The following DNAJC1 variants were observed in gnomAD, a reference collection of about 807,000 sequenced individuals.
DNAJC1 encodes the protein DnaJ heat shock protein family (Hsp40) member C1.
Under a neutral mutation model 76.6 loss-of-function variants are expected in DNAJC1, and 58 were observed. That is an observed-to-expected ratio of 0.76 (90% CI 0.61 to 0.94). DNAJC1 has a LOEUF of 0.94. Among genes scored for constraint, DNAJC1 ranks in the 40% least tolerant of loss-of-function variants. The pLI is 0.00. For missense variants in DNAJC1, 689 were observed against 677.3 expected (o/e 1.02, Z -0.19); for synonymous variants, 258 against 267.9 (o/e 0.96, Z 0.36).
chr10:21,818,772 A>C (rs1034763693), intron 8 of DNAJC1, among the ~76,000 whole-genome samples: 4 of 152,238 alleles, frequency 2.6e-5, no homozygotes, highest in Non-Finnish European at 5.9e-5. Flanking sequence ...TACTATTCAA[A>C]AAGATTCAAA....
intron 8 of DNAJC1, among the ~76,000 whole-genome samples, chr10:21,851,300 C>A (rs2131688377): frequency 6.6e-6 from 1 of 151,896 alleles, no homozygotes; most frequent in East Asian, 1.9e-4. Flanking sequence ...AAAAGACAAC[C>A]CAATTCAAAA....
intron 8 of DNAJC1, among the ~76,000 whole-genome samples, chr10:21,831,529 G>C (rs1313853092): frequency 6.6e-6 from 1 of 152,084 alleles, no homozygotes; most frequent in Non-Finnish European, 1.5e-5. Flanking sequence ...AGTGGCTTGC[G>C]CCTGTAATCC....
At chr10:21,990,329 T>C (rs952864072) in intron 1 of DNAJC1, among the ~76,000 whole-genome samples, 9 of 152,116 alleles carry the variant, frequency 5.9e-5, no homozygotes, top group African/African-American at 2.2e-4. Context: ...GGTACATATC[T>C]AAAGACAATG....
At chr10:21,939,510 T>C (rs2131794193) in intron 1 of DNAJC1, among the ~76,000 whole-genome samples, 1 of 152,320 alleles carries the variant, frequency 6.6e-6, no homozygotes, top group South Asian at 2.1e-4. Context: ...AGTACCATTT[T>C]AAATCTTTTT....
chr10:21,839,223 T>C (rs562988714), intron 8 of DNAJC1, among the ~76,000 whole-genome samples: 1 of 152,216 alleles, frequency 6.6e-6, no homozygotes, highest in Admixed American at 6.5e-5. Context: ...ATTCAAAAGC[T>C]AACAGAAGGC....
intron 8 of DNAJC1, among the ~76,000 whole-genome samples, chr10:21,836,453 A>G (rs1436072967): frequency 2.0e-5 from 3 of 152,216 alleles, no homozygotes; most frequent in African/African-American, 7.2e-5. Context: ...CATCATAATG[A>G]CAGGATCTAA....
chr10:21,885,461 AC>A (rs756400429), intron 7 of DNAJC1, among the ~76,000 whole-genome samples: 8 of 152,148 alleles, frequency 5.3e-5, no homozygotes, highest in Non-Finnish European at 1.2e-4. Flanking sequence ...GATATTCAGG[AC>A]CCAAACTAAA....
At chr10:21,945,934 TAAA>T (rs1837497099) in intron 1 of DNAJC1, among the ~76,000 whole-genome samples, 2 of 151,544 alleles carry the variant, frequency 1.3e-5, no homozygotes, top group African/African-American at 2.4e-5. Context: ...TGTTTCTTCA[TAAA>T]TTCCAACTTT....
At chr10:21,857,925 G>C (rs1835864342) in intron 8 of DNAJC1, among the ~76,000 whole-genome samples, 1 of 151,630 alleles carries the variant, frequency 6.6e-6, no homozygotes, top group African/African-American at 2.4e-5. Context: ...AACAACTTTG[G>C]GTAAACTGGG....
At chr10:21,952,986 C>T (rs1218551722) in intron 1 of DNAJC1, among the ~76,000 whole-genome samples, 1 of 152,088 alleles carries the variant, frequency 6.6e-6, no homozygotes, top group Non-Finnish European at 1.5e-5. Context: ...ACACTAAAAT[C>T]AACAGTGCAC....
Position 21,960,576 on chromosome 10 carries a change from T to C in DNAJC1, c.223-31435A>G, listed in dbSNP as rs950305937. ...AAAAATTACAGATATTAGCCAAGCA[T>C]GGTACTTGGAGGCTGAAGTGGGAGG... On this transcript the variant is annotated intron_variant, in intron 1 of 11. Transcript: ENST00000376980. 3.3e-5 allele frequency among the ~76,000 whole-genome samples: 5 copies of C among 152,052 alleles called. No homozygotes were observed. The East Asian group carries it at 9.6e-4, about 29-fold the overall frequency.
intron 11 of DNAJC1, among the ~76,000 whole-genome samples, chr10:21,757,571 T>C (rs1365029092): frequency 6.6e-6 from 1 of 152,230 alleles, no homozygotes; most frequent in Non-Finnish European, 1.5e-5. Flanking sequence ...GAGTCTCTTC[T>C]CAGGGTTTTT....
chr10:21,892,461 TAGAG>T (rs1437092877), intron 7 of DNAJC1, among the ~76,000 whole-genome samples: 6 of 150,680 alleles, frequency 4.0e-5, no homozygotes, highest in African/African-American at 9.8e-5. Context: ...AGAGAAATGA[TAGAG>T]AGAAATAATA....
intron 8 of DNAJC1, among the ~76,000 whole-genome samples, chr10:21,846,397 T>C (rs1835659406): frequency 6.6e-6 from 1 of 152,192 alleles, no homozygotes; most frequent in South Asian, 2.1e-4. Flanking sequence ...TAAAGTTTCC[T>C]CAATATGGTT....
At chr10:21,850,020 T>C (rs1014183498) in intron 8 of DNAJC1, among the ~76,000 whole-genome samples, 5 of 152,276 alleles carry the variant, frequency 3.3e-5, no homozygotes, top group African/African-American at 1.2e-4. Context: ...TCATACTCAA[T>C]GGTAAAAGAC....
chr10:21,843,392 CTTT>C (rs34760207), intron 8 of DNAJC1, among the ~76,000 whole-genome samples: 3 of 134,424 alleles, frequency 2.2e-5, no homozygotes, highest in Admixed American at 7.5e-5. Context: ...AGAGGTTTCC[CTTT>C]TTTTTTTTTT....
intron 8 of DNAJC1, among the ~76,000 whole-genome samples, chr10:21,815,712 T>C (rs1398363753): frequency 6.6e-6 from 1 of 152,098 alleles, no homozygotes; most frequent in East Asian, 1.9e-4. Flanking sequence ...AAGAAATCTT[T>C]GCCTATCTCA....
chr10:21,958,542 C>T (rs1837733082), intron 1 of DNAJC1, among the ~76,000 whole-genome samples: 1 of 152,052 alleles, frequency 6.6e-6, no homozygotes, highest in Admixed American at 6.5e-5. Context: ...ATTCTCCTTC[C>T]TCAGCCTTCT....
chr10:21,968,410 G>C (rs1837924606), intron 1 of DNAJC1, among the ~76,000 whole-genome samples: 2 of 152,016 alleles, frequency 1.3e-5, no homozygotes, highest in African/African-American at 4.8e-5. Context: ...TCGTAAAATT[G>C]GTATTACGGC....
Sources: allele counts gnomAD v4.1 joint callset (sites outside exome capture counted in the v4.1 genomes callset), GRCh38; gene constraint gnomAD v4.1.1; transcripts MANE v1.5; gene names NCBI Gene and HGNC (gene_info 2026-07-23, HGNC 2026-07-21).